Variants in EPB41L4B observed in about 807,000 individuals in gnomAD.
EPB41L4B encodes erythrocyte membrane protein band 4.1 like 4B, also known as band 4.1-like protein 4B.
In EPB41L4B, 30 loss-of-function variants were observed where a neutral mutation model predicts 112.5. The ratio of observed to expected loss-of-function variants is 0.27; its 90% CI spans 0.20 to 0.36. EPB41L4B has a LOEUF of 0.36. EPB41L4B is among the 10% of genes least tolerant of loss of function. EPB41L4B has a pLI of 1.00. For synonymous variants in EPB41L4B, 408 were observed against 439.7 expected (o/e 0.93, Z 0.90); for missense variants, 1,024 against 1,133.3 (o/e 0.90, Z 1.38).
chr9:109,193,032 C>A (rs544259334), intron 21 of EPB41L4B, among the ~76,000 whole-genome samples: 25 of 152,254 alleles, frequency 1.6e-4, no homozygotes, highest in South Asian at 6.2e-4. Flanking sequence ...TGGTTTTAAC[C>A]ACAGTGTGGG....
intron 23 of EPB41L4B, among the ~76,000 whole-genome samples, chr9:109,183,230 G>C (rs1832131747): frequency 6.6e-6 from 1 of 152,156 alleles, no homozygotes; most frequent in Non-Finnish European, 1.5e-5. Context: ...GTCACATCCT[G>C]GGACACGGTC....
chr9:109,274,107 G>A (rs1835727561), intron 2 of EPB41L4B, among the ~76,000 whole-genome samples: 1 of 152,156 alleles, frequency 6.6e-6, no homozygotes, highest in South Asian at 2.1e-4. Context: ...ATGCTGCAAA[G>A]GCCAGAGGAC....
chr9:109,215,941 A>G (rs1833347873), intron 16 of EPB41L4B, among the ~76,000 whole-genome samples: 1 of 152,168 alleles, frequency 6.6e-6, no homozygotes, highest in Non-Finnish European at 1.5e-5. Context: ...CCTGGGCAAC[A>G]TGGCAAGACC....
chr9:109,239,103 A>C (rs1294545505), intron 15 of EPB41L4B, among the ~76,000 whole-genome samples: 1 of 152,158 alleles, frequency 6.6e-6, no homozygotes, highest in Non-Finnish European at 1.5e-5. Flanking sequence ...GAGCAACTGG[A>C]GTCAGGGAGA....
intron 1 of EPB41L4B, among the ~76,000 whole-genome samples, chr9:109,317,975 C>T (rs1250695806): frequency 6.6e-6 from 1 of 152,220 alleles, no homozygotes; most frequent in Non-Finnish European, 1.5e-5. Flanking sequence ...CAGGAGCACA[C>T]ACTCAGATCT....
At chr9:109,266,698 T>C (rs1278805122) in intron 4 of EPB41L4B, among the ~76,000 whole-genome samples, 1 of 152,160 alleles carries the variant, frequency 6.6e-6, no homozygotes, top group Non-Finnish European at 1.5e-5. Flanking sequence ...CCGGGCGCAG[T>C]GGCTCACACC....
intron 1 of EPB41L4B, among the ~76,000 whole-genome samples, chr9:109,299,204 A>T (rs1226968839): frequency 6.6e-6 from 1 of 152,226 alleles, no homozygotes; most frequent in African/African-American, 2.4e-5. Context: ...GGAATTATAC[A>T]AATGTGATTA....
chr9:109,275,432 A>G (rs112089433), intron 2 of EPB41L4B, among the ~76,000 whole-genome samples: 12 of 152,188 alleles, frequency 7.9e-5, no homozygotes, highest in African/African-American at 2.9e-4. Context: ...CCCAGGTCCT[A>G]TAAAAATCAA....
intron 24 of EPB41L4B, among the ~76,000 whole-genome samples, chr9:109,179,263 A>G (rs1318516627): frequency 6.6e-6 from 1 of 152,230 alleles, no homozygotes; most frequent in Non-Finnish European, 1.5e-5. Context: ...AGCTCCATCA[A>G]TGCTAGATCG....
At chr9:109,200,193 A>C in intron 20 of EPB41L4B, 43 bp downstream of exon 20, 1 of 1,485,528 alleles carries the variant, frequency 6.7e-7, no homozygotes, top group East Asian at 2.3e-5. Flanking sequence ...ACAATTAGTC[A>C]TCATAGTTGT....
At chr9:109,181,709 G>A (rs1300848844) in intron 24 of EPB41L4B, among the ~76,000 whole-genome samples, 1 of 152,116 alleles carries the variant, frequency 6.6e-6, no homozygotes, top group East Asian at 1.9e-4. Flanking sequence ...GGTCAGGGTA[G>A]TAAAGTGACC....
At chr9:109,215,951 C>A (rs767207738) in intron 16 of EPB41L4B, among the ~76,000 whole-genome samples, 6 of 151,964 alleles carry the variant, frequency 3.9e-5, no homozygotes, top group Admixed American at 6.6e-5. Context: ...ATGGCAAGAC[C>A]CTGTCATAAA....
chr9:109,319,996 G>C (rs1837793936), intron 1 of EPB41L4B, 145 bp downstream of exon 1: 3 of 664,820 alleles, frequency 4.5e-6, no homozygotes, highest in Non-Finnish European at 6.4e-6. Context: ...GAAGAAAAAG[G>C]GTTGAGGAGT....
At position 109,178,385 on chromosome 9, in the gene EPB41L4B, C is replaced by CTTT. The variant is rs201156641; in HGVS notation, c.2488-1692_2488-1690dup. 8.6e-3 allele frequency among the ~76,000 whole-genome samples: 1,234 copies of CTTT among 143,576 alleles called. 11 individuals are homozygous for CTTT. Among genetic ancestry groups the CTTT allele is most frequent in the Non-Finnish European group, 0.013 (844 of 65,378 alleles). The allele number at this position is 143,576 out of a possible 152,430, so 94.2% of individuals were successfully genotyped here. ...CTGATCATCAAATGAGCAGTATCTT[C>CTTT]TTTTTTTTTTTTTTGAGTTGGAGTT... On this transcript the variant is annotated intron_variant, in intron 24 of 25. Transcript: ENST00000374566.
At chr9:109,269,177 A>G (rs1338143864) in intron 2 of EPB41L4B, among the ~76,000 whole-genome samples, 1 of 152,208 alleles carries the variant, frequency 6.6e-6, no homozygotes, top group Non-Finnish European at 1.5e-5. Flanking sequence ...TTGTCGTCCT[A>G]AACTCTTTAA....
intron 15 of EPB41L4B, among the ~76,000 whole-genome samples, chr9:109,236,919 C>T (rs137995724): frequency 6.2e-4 from 94 of 152,230 alleles, no homozygotes; most frequent in East Asian, 3.5e-3. Flanking sequence ...TTTCCTGGTA[C>T]GTTTGGAAGA....
At chr9:109,306,310 G>C (rs1481432419) in intron 1 of EPB41L4B, among the ~76,000 whole-genome samples, 1 of 152,080 alleles carries the variant, frequency 6.6e-6, no homozygotes, top group Non-Finnish European at 1.5e-5. Flanking sequence ...GAATCACCTG[G>C]GGAGTTTTAA....
chr9:109,316,093 T>G (rs1837624364), intron 1 of EPB41L4B, among the ~76,000 whole-genome samples: 1 of 152,210 alleles, frequency 6.6e-6, no homozygotes, highest in Non-Finnish European at 1.5e-5. Context: ...CATCCCCATT[T>G]GAAAGATCAG....
At chr9:109,218,734 T>A (rs1355765981) in intron 15 of EPB41L4B, among the ~76,000 whole-genome samples, 1 of 152,106 alleles carries the variant, frequency 6.6e-6, no homozygotes, top group Non-Finnish European at 1.5e-5. Flanking sequence ...TCTTGGTGCC[T>A]CCTGAAGTCC....
Sources: allele counts gnomAD v4.1 joint callset (sites outside exome capture counted in the v4.1 genomes callset), GRCh38; gene constraint gnomAD v4.1.1; transcripts MANE v1.5; gene names NCBI Gene and HGNC (gene_info 2026-07-23, HGNC 2026-07-21).